Variants in TTC1 observed in about 807,000 individuals in gnomAD.
TTC1 encodes the protein tetratricopeptide repeat domain 1, also known as tetratricopeptide repeat protein 1.
In TTC1, 31 loss-of-function variants were observed where a neutral mutation model predicts 37.6. The observed-to-expected ratio is 0.82, with a 90% CI of 0.62 to 1.11. The LOEUF is 1.11. Among genes scored for constraint, TTC1 ranks in the 50% most tolerant of loss-of-function variants. TTC1 has a pLI of 0.00. For synonymous variants in TTC1, 127 were observed against 122.4 expected (o/e 1.04, Z -0.25); for missense variants, 351 against 339.0 (o/e 1.04, Z -0.28).
intron 7 of TTC1, among the ~76,000 whole-genome samples, chr5:160,059,554 C>CAGA (rs1757642728): frequency 6.6e-6 from 1 of 152,124 alleles, no homozygotes; most frequent in Non-Finnish European, 1.5e-5. Flanking sequence ...CTGGCTCTTC[C>CAGA]CTTTACTTGA....
chr5:160,046,752 G>A (rs1297149000), intron 5 of TTC1, among the ~76,000 whole-genome samples: 3 of 152,284 alleles, frequency 2.0e-5, no homozygotes, highest in Non-Finnish European at 4.4e-5. Context: ...AGTGGCTCAC[G>A]CCTGTAATCC....
chr5:160,032,654 A>ACATG (rs764109195), intron 2 of TTC1, among the ~76,000 whole-genome samples: 4 of 149,720 alleles, frequency 2.7e-5, no homozygotes, highest in South Asian at 2.1e-4. Context: ...TCACTAAAAG[A>ACATG]CATGCATTCT....
intron 4 of TTC1, among the ~76,000 whole-genome samples, chr5:160,040,218 A>C (rs1757063234): frequency 6.6e-6 from 1 of 152,178 alleles, no homozygotes; most frequent in Non-Finnish European, 1.5e-5. Context: ...GTATTTTTTA[A>C]ATGGTGCATC....
intron 6 of TTC1, among the ~76,000 whole-genome samples, 164 bp from the exon 7 acceptor site, chr5:160,050,963 CAT>C (rs1307903477): frequency 7.5e-6 from 1 of 134,072 alleles, no homozygotes; most frequent in East Asian, 2.2e-4. Flanking sequence ...GCACCACAAA[CAT>C]AAATACTTGG....
At chr5:160,045,138 C>G (rs1158465298) in intron 5 of TTC1, among the ~76,000 whole-genome samples, 1 of 152,120 alleles carries the variant, frequency 6.6e-6, no homozygotes, top group African/African-American at 2.4e-5. Flanking sequence ...GCTTCTTTCT[C>G]TGTAACCAAA....
chr5:160,014,818 G>A (rs1221550446), intron 2 of TTC1, among the ~76,000 whole-genome samples: 1 of 152,178 alleles, frequency 6.6e-6, no homozygotes, highest in Non-Finnish European at 1.5e-5. Flanking sequence ...GAAATTATTA[G>A]AAATATACAC....
At chr5:160,025,866 G>A (rs1756794438) in intron 2 of TTC1, among the ~76,000 whole-genome samples, 1 of 152,194 alleles carries the variant, frequency 6.6e-6, no homozygotes. Context: ...AAGTACTTGG[G>A]ACTATAGATG....
Position 160,052,570 on chromosome 5 carries a change from A to AAAC in TTC1, c.745+1389_745+1390insCAA, listed in dbSNP as rs1274058482. 5.3e-4 allele frequency among the ~76,000 whole-genome samples: 79 copies of AAAC among 148,796 alleles called. 2 individuals are homozygous for AAAC. Among genetic ancestry groups the AAAC allele is most frequent in the South Asian group, 4.1e-3 (19 of 4,620 alleles). ...TAGCAAAAAAAAAAAAAAAAAAAAA[A>AAAC]AAAACTGTTTGCATTTAGTATTTGA... On this transcript the variant is annotated intron_variant, in intron 7 of 7. Coordinates refer to ENST00000231238, the MANE Select transcript of TTC1 (RefSeq NM_003314.3).
chr5:160,047,166 A>G (rs979330592), intron 5 of TTC1, among the ~76,000 whole-genome samples: 1 of 152,088 alleles, frequency 6.6e-6, no homozygotes, highest in Non-Finnish European at 1.5e-5. Context: ...TCTGACTTCT[A>G]CCCTGTAGTC....
intron 2 of TTC1, among the ~76,000 whole-genome samples, chr5:160,022,084 G>A (rs914554655): frequency 6.6e-6 from 1 of 152,046 alleles, no homozygotes. Flanking sequence ...GAGAGTCTTG[G>A]TTTTCCCCCT....
intron 6 of TTC1, 139 bp from the exon 7 acceptor site, chr5:160,050,990 A>C: frequency 4.2e-6 from 2 of 471,874 alleles, no homozygotes; most frequent in Non-Finnish European, 3.4e-6. Context: ...TTTTTTTTTT[A>C]TTTAATAGGA....
intron 2 of TTC1, among the ~76,000 whole-genome samples, chr5:160,024,664 A>ATT (rs199612694): frequency 3.3e-4 from 47 of 140,914 alleles, no homozygotes; most frequent in Non-Finnish European, 6.3e-4. Flanking sequence ...ACCCAGCTAA[A>ATT]TTTTTTTTTT....
At chr5:160,037,178 A>T (rs1240227957) in intron 4 of TTC1, among the ~76,000 whole-genome samples, 1 of 151,810 alleles carries the variant, frequency 6.6e-6, no homozygotes. Context: ...ACTGGTAAAA[A>T]CTCTGGGCTT....
chr5:160,035,778 G>A (rs1756989299), intron 3 of TTC1, among the ~76,000 whole-genome samples: 1 of 152,142 alleles, frequency 6.6e-6, no homozygotes, highest in Non-Finnish European at 1.5e-5. Context: ...GGTTCATTCT[G>A]ATAATTTGGG....
At position 160,045,493 on chromosome 5, in the gene TTC1, CACACACACACACACACACACAT is replaced by C. The variant is rs1284965333; in HGVS notation, c.541+2331_541+2352del. On this transcript the variant is annotated intron_variant, in intron 5 of 7. Transcript: ENST00000231238. ...ACACACACACACACACACACACACA[CACACACACACACACACACACAT>C]ACACACTCTCTCTCTCTCTCTCTCT... 2.6e-4 allele frequency among the ~76,000 whole-genome samples: 31 copies of C among 117,120 alleles called. No individual in the cohort carries two copies. The South Asian group carries it at 3.0e-3, about 11-fold the overall frequency. 76.8% of individuals were successfully genotyped at this position (117,120 alleles called of 152,430 possible).
chr5:160,062,316 A>G (rs1180107531), intron 7 of TTC1, among the ~76,000 whole-genome samples: 6 of 152,186 alleles, frequency 3.9e-5, no homozygotes, highest in Non-Finnish European at 7.4e-5. Context: ...AGACCAGCCT[A>G]AAGCCAAGCC....
chr5:160,023,700 A>G, intron 2 of TTC1: 1 of 1,556,880 alleles, frequency 6.4e-7, no homozygotes, highest in Non-Finnish European at 8.8e-7. Flanking sequence ...AAGGCATGTC[A>G]CATGTTGCCT....
intron 5 of TTC1, among the ~76,000 whole-genome samples, chr5:160,045,677 A>C (rs1757223437): frequency 2.6e-5 from 4 of 151,694 alleles, no homozygotes; most frequent in Admixed American, 2.6e-4. Flanking sequence ...TTCTCACCTC[A>C]GTCTCCTAAG....
intron 2 of TTC1, among the ~76,000 whole-genome samples, chr5:160,021,331 G>A (rs559575003): frequency 5.3e-5 from 8 of 152,258 alleles, no homozygotes; most frequent in South Asian, 2.1e-4. Context: ...GACCTAACCC[G>A]TACATTGACT....
Sources: gnomAD v4.1 joint callset for allele counts (sites outside exome capture counted in the v4.1 genomes callset) on GRCh38, gnomAD v4.1.1 for gene constraint, MANE v1.5 for transcripts, NCBI Gene and HGNC (gene_info 2026-07-23, HGNC 2026-07-21) for gene names.